CREB5: variants seen among roughly 807,000 people sequenced by gnomAD.
The protein encoded by CREB5 is cAMP responsive element binding protein 5.
CREB5 carries 19 observed loss-of-function variants against 57.1 expected under a neutral mutation model. The observed-to-expected ratio is 0.33, with a 90% CI of 0.23 to 0.49. The LOEUF (loss-of-function observed/expected upper bound fraction) is 0.49. Ranked by LOEUF, CREB5 falls within the 20% of genes least tolerant of loss-of-function variation. The pLI is 0.99. For missense variants in CREB5, 579 were observed against 671.6 expected, an observed-to-expected ratio of 0.86 and a Z score of 1.52; for synonymous variants, 238 against 238.3, an observed-to-expected ratio of 1.00 and a Z score of 0.01.
chr7:28,536,588 A>G (rs1020484894), intron 4 of CREB5, among the ~76,000 whole-genome samples: 1 of 152,182 alleles, frequency 6.6e-6, no homozygotes, highest in Non-Finnish European at 1.5e-5. Context: ...CACCTACTGA[A>G]TCAGGTTTAC....
intron 4 of CREB5, among the ~76,000 whole-genome samples, chr7:28,555,109 T>TTGTGTGTGTGTGTTTG (rs1794811191): frequency 6.7e-6 from 1 of 148,800 alleles, no homozygotes; most frequent in Non-Finnish European, 1.5e-5. Context: ...ATAAGCTGCA[T>TTGTGTGTGTGTGTTTG]TGTGTGTGTG....
In CREB5 at chr7:28,315,964, T is replaced by TA. The variant is rs1044387894; in HGVS notation, c.-25+16524dup. Among the ~76,000 whole-genome samples, 6 of 152,332 alleles carry TA rather than the reference T, an allele frequency of 3.9e-5. No homozygotes were observed. The East Asian group carries it at 7.7e-4, about 20-fold the overall frequency. ...CAAGGAGACAGGTCCTGGTTTTTTT[T>TA]ACCTGCCAACCACATTTCCTCCGGG... On this transcript the variant is annotated intron_variant, in intron 1 of 9. Coordinates refer to the CREB5 transcript ENST00000396299.
At chr7:28,389,017 G>A (rs550182351) in intron 1 of CREB5, among the ~76,000 whole-genome samples, 47 of 152,220 alleles carry the variant, frequency 3.1e-4, no homozygotes, top group Non-Finnish European at 6.0e-4. Flanking sequence ...GTTTGAAGCC[G>A]AACCACTAAT....
intron 3 of CREB5, among the ~76,000 whole-genome samples, chr7:28,497,512 C>T (rs1792106958): frequency 1.3e-5 from 2 of 152,152 alleles, no homozygotes; most frequent in Non-Finnish European, 2.9e-5. Context: ...TTTGCTTTCT[C>T]ATGGTTTATG....
chr7:28,521,415 A>G (rs906030634), intron 4 of CREB5, among the ~76,000 whole-genome samples: 1 of 152,156 alleles, frequency 6.6e-6, no homozygotes, highest in Non-Finnish European at 1.5e-5. Context: ...CCCCAAGAAC[A>G]GGTCCCAAGG....
At chr7:28,737,559 A>G (rs1261257171) in intron 7 of CREB5, among the ~76,000 whole-genome samples, 2 of 108,596 alleles carry the variant, frequency 1.8e-5, no homozygotes, top group South Asian at 2.7e-4. Flanking sequence ...ATATATATAT[A>G]TATATATATA....
chr7:28,399,425 A>G, intron 1 of CREB5, among the ~76,000 whole-genome samples: 1 of 151,840 alleles, frequency 6.6e-6, no homozygotes, highest in East Asian at 1.9e-4. Context: ...TGGTAAAAAA[A>G]AAAAAAAAAA....
At chr7:28,544,844 C>T (rs934523218) in intron 4 of CREB5, among the ~76,000 whole-genome samples, 36 of 152,082 alleles carry the variant, frequency 2.4e-4, no homozygotes, top group East Asian at 5.8e-4. Flanking sequence ...GAGTATGGGA[C>T]GGAAAGATCC....
At chr7:28,524,392 C>T (rs796921633) in intron 4 of CREB5, among the ~76,000 whole-genome samples, 44 of 151,154 alleles carry the variant, frequency 2.9e-4, no homozygotes, top group African/African-American at 1.0e-3. Flanking sequence ...CTAATCCCAC[C>T]TAATCAGGAG....
At chr7:28,479,005 C>G (rs887102700) in intron 1 of CREB5, among the ~76,000 whole-genome samples, 2 of 152,184 alleles carry the variant, frequency 1.3e-5, no homozygotes, top group African/African-American at 2.4e-5. Context: ...TTGTCATAAG[C>G]TTAACTTTGC....
At chr7:28,410,514 C>T (rs1019580729), upstream of CREB5, 1 of 456,550 alleles carries the variant, frequency 2.2e-6, no homozygotes, top group Non-Finnish European at 4.4e-6. Flanking sequence ...TTCTTCTTTG[C>T]CATAGATTTA....
chr7:28,457,489 C>T (rs177576), intron 1 of CREB5, among the ~76,000 whole-genome samples: 104,263 of 151,888 alleles, frequency 0.69, 36,202 homozygotes, highest in Middle Eastern at 0.9. Flanking sequence ...TTCATCTTTC[C>T]GCCAAAATAA....
intron 7 of CREB5, among the ~76,000 whole-genome samples, chr7:28,742,070 A>G (rs1336754825): frequency 6.6e-6 from 1 of 151,350 alleles, no homozygotes; most frequent in Non-Finnish European, 1.5e-5. Context: ...CCTCTAAAAA[A>G]AAAAAAAAAA....
intron 5 of CREB5, among the ~76,000 whole-genome samples, chr7:28,657,378 C>A (rs185108841): frequency 1.1e-4 from 17 of 152,296 alleles, no homozygotes; most frequent in Middle Eastern, 3.4e-3. Context: ...GTTCCCCTTG[C>A]TGTTGCAATT....
chr7:28,445,816 G>A (rs546901039), intron 1 of CREB5, among the ~76,000 whole-genome samples: 1 of 152,204 alleles, frequency 6.6e-6, no homozygotes, highest in African/African-American at 2.4e-5. Flanking sequence ...CTCCCAAAGT[G>A]CTGGGATTAC....
chr7:28,421,200 A>T (rs1488760758), intron 1 of CREB5, among the ~76,000 whole-genome samples: 2 of 151,936 alleles, frequency 1.3e-5, no homozygotes, highest in African/African-American at 2.4e-5. Context: ...GCCTTTACAT[A>T]CCCCATAGCA....
intron 3 of CREB5, among the ~76,000 whole-genome samples, chr7:28,505,815 A>G (rs1792458049): frequency 6.6e-6 from 1 of 152,236 alleles, no homozygotes; most frequent in African/African-American, 2.4e-5. Context: ...GAAAATGTTA[A>G]TTGCAAAATC....
chr7:28,507,863 T>C, intron 4 of CREB5, 126 bp downstream of exon 4: 1 of 1,170,200 alleles, frequency 8.5e-7, no homozygotes, highest in Non-Finnish European at 1.1e-6. Context: ...TTGTGAGTAT[T>C]TGTCTAATTT....
At chr7:28,319,631 C>T (rs1743349599) in intron 1 of CREB5, among the ~76,000 whole-genome samples, 1 of 152,156 alleles carries the variant, frequency 6.6e-6, no homozygotes, top group Non-Finnish European at 1.5e-5. Context: ...TACCCATGCT[C>T]ACAGCCCAGC....
Sources: allele counts gnomAD v4.1 joint callset (sites outside exome capture counted in the v4.1 genomes callset), GRCh38; gene constraint gnomAD v4.1.1; transcripts MANE v1.5; gene names NCBI Gene and HGNC (gene_info 2026-07-23, HGNC 2026-07-21).